Variants in COL5A1 observed in about 807,000 individuals in gnomAD.
COL5A1 encodes collagen alpha-1(V) chain.
In COL5A1, 16 loss-of-function variants were observed where a neutral mutation model predicts 263.7. The observed-to-expected ratio is 0.06, with a 90% CI of 0.04 to 0.09. The LOEUF is 0.09. Among genes scored for constraint, COL5A1 ranks in the 10% least tolerant of loss-of-function variants. The probability of loss-of-function intolerance (pLI) is 1.00; values close to 1 mark genes in which losing one functional copy is unlikely to be tolerated. For missense variants in COL5A1, 2,036 were observed against 2,540.5 expected (o/e 0.80, Z 4.27); for synonymous variants, 1,012 against 1,004.5 (o/e 1.01, Z -0.14).
In COL5A1 at chr9:134,652,972, G is replaced by A; in HGVS notation, c.109+10676G>A. 1 of 284,644 alleles carries A rather than the reference G, an allele frequency of 3.5e-6. No individual in the cohort carries two copies. Among genetic ancestry groups the A allele is most frequent in the Non-Finnish European group, 7.1e-6 (1 of 140,656 alleles). 17.6% of individuals were successfully genotyped at this position (284,644 alleles called of 1,614,324 possible). A position where few individuals can be genotyped will look rare whatever the true frequency, so the allele number is the denominator to read the frequency against. On this transcript the variant is annotated intron_variant, in intron 1 of 65. Transcript: ENST00000371817. The surrounding 1 kb of genome is among the most constrained non-coding windows in gnomAD (Gnocchi z 4.4). Reference sequence around the variant, plus strand: ...GGGTGCCACACTTTGCAAACCACGAGTCGTTCTGCGTCCTCGAGCCCAGGG... The same window carrying A: ...GGGTGCCACACTTTGCAAACCACGAATCGTTCTGCGTCCTCGAGCCCAGGG...
chr9:134,711,149 C>T (rs531458683), intron 4 of COL5A1, among the ~76,000 whole-genome samples: 2 of 152,206 alleles, frequency 1.3e-5, no homozygotes, highest in African/African-American at 2.4e-5. Context: ...ATTGTTCGGT[C>T]GGTGGTTTGG....
Position 134,841,836 on chromosome 9 carries a change from C to T in COL5A1, c.5371-321C>T, listed in dbSNP as rs971516784. ...CATCACAAGGAGTCTGGACTGGGCA[C>T]GGTGGGAAGGCTGATCAGCTTCAAT... On this transcript the variant is annotated intron_variant, in intron 65 of 65. Coordinates refer to ENST00000371817, the MANE Select transcript of COL5A1 (RefSeq NM_000093.5). This position sits in a 1 kb window ranked among gnomAD's most constrained non-coding sequence, Gnocchi z 4.8. 2.6e-5 allele frequency among the ~76,000 whole-genome samples: 4 copies of T among 152,100 alleles called. No individual in the cohort carries two copies. Among genetic ancestry groups the T allele is most frequent in the Admixed American group, 6.5e-5 (1 of 15,270 alleles).
chr9:134,699,525 G>T (rs1833596910), intron 2 of COL5A1, among the ~76,000 whole-genome samples: 1 of 149,602 alleles, frequency 6.7e-6, no homozygotes, highest in African/African-American at 2.5e-5. Flanking sequence ...ACCTCATGGA[G>T]CGTACTAAGA....
intron 4 of COL5A1, among the ~76,000 whole-genome samples, chr9:134,703,919 G>A (rs1039502173): frequency 1.3e-5 from 2 of 152,204 alleles, no homozygotes; most frequent in South Asian, 2.1e-4. Context: ...GATTGCAGGC[G>A]TGAGCCACCG....
rs748589808 is a variant in COL5A1, at chr9:134,691,088, C to A, written c.277+9C>A. ...CAAGCAGCTGTACCCTGGTAAGTGC[C>A]GCACCCTTCTGTTTGGGGCGGTGGG... On this transcript the variant is annotated intron_variant, in intron 2 of 65. Transcript: ENST00000371817. 1 of 1,612,594 alleles carries A rather than the reference C, an allele frequency of 6.2e-7. No homozygotes were observed. The highest frequency in any genetic ancestry group is 8.5e-7 in the Non-Finnish European group (1 of 1,180,022).
intron 4 of COL5A1, among the ~76,000 whole-genome samples, chr9:134,726,388 G>T (rs1396817807): frequency 2.0e-5 from 3 of 152,054 alleles, no homozygotes; most frequent in Admixed American, 6.5e-5. Context: ...ATAGATGGAT[G>T]AATTAATGAG....
chr9:134,744,732 C>A (rs1379882981), intron 11 of COL5A1, among the ~76,000 whole-genome samples: 7 of 152,068 alleles, frequency 4.6e-5, no homozygotes, highest in Non-Finnish European at 7.4e-5. Flanking sequence ...CACACACATG[C>A]ACTCACACAC....
At chr9:134,732,209 G>T in intron 9 of COL5A1, 82 bp downstream of exon 9, 1 of 1,475,198 alleles carries the variant, frequency 6.8e-7, no homozygotes, top group Non-Finnish European at 9.5e-7. Flanking sequence ...GTGTGAACAG[G>T]TCCGTGGGCC....
intron 52 of COL5A1, 126 bp from the exon 53 acceptor site, chr9:134,816,900 A>T (rs1271664244): frequency 2.3e-6 from 2 of 875,544 alleles, no homozygotes; most frequent in African/African-American, 3.3e-5. Flanking sequence ...TGCTAGCCCC[A>T]AAAGAAGAGA....
At chr9:134,774,760 C>T (rs1836991882) in intron 26 of COL5A1, 99 bp from the exon 27 acceptor site, 2 of 1,266,478 alleles carry the variant, frequency 1.6e-6, no homozygotes, top group South Asian at 2.5e-5. Flanking sequence ...TCGCCCTGCT[C>T]TCAGCAGGAG....
At chr9:134,761,303 G>A (rs1161156320) in intron 18 of COL5A1, among the ~76,000 whole-genome samples, 2 of 151,024 alleles carry the variant, frequency 1.3e-5, no homozygotes, top group Non-Finnish European at 1.5e-5. Context: ...ACACACAGGC[G>A]CACCCACACA....
rs376608884 is a variant in COL5A1 at position 134,817,290 on chromosome 9, C to T, written c.4176+211C>T. 3.9e-5 allele frequency among the ~76,000 whole-genome samples: 6 copies of T among 152,330 alleles called. No homozygotes were observed. In the East Asian group the frequency reaches 5.8e-4, roughly 15 times the overall value. On this transcript the variant is annotated intron_variant, in intron 53 of 65. Coordinates refer to ENST00000371817, the MANE Select transcript of COL5A1 (RefSeq NM_000093.5). ...CGCAGCTGCTCCTTTTAGGACAGGC[C>T]GCCTGCTGACACGGTCAGTGATATC...
At chr9:134,646,779 G>T (rs2132463990) in intron 1 of COL5A1, among the ~76,000 whole-genome samples, 1 of 152,234 alleles carries the variant, frequency 6.6e-6, no homozygotes, top group Admixed American at 6.5e-5. Flanking sequence ...GGTGACAGGT[G>T]GTCGGATGTG....
At chr9:134,770,797 A>G (rs1457748985) in intron 25 of COL5A1, among the ~76,000 whole-genome samples, 1 of 152,264 alleles carries the variant, frequency 6.6e-6, no homozygotes, top group Non-Finnish European at 1.5e-5. Flanking sequence ...ACACAAGTAG[A>G]AAGAAAGGGG....
rs919170019 is a variant in COL5A1 at position 134,757,167 on chromosome 9, G to A, written c.1881+349G>A. On this transcript the variant is annotated intron_variant, in intron 17 of 65. Transcript: ENST00000371817. The surrounding 1 kb of genome is among the most constrained non-coding windows in gnomAD (Gnocchi z 6.2). ...TGCGGGGGCCAGGGGGTCTTGTCCA[G>A]TCGGGACTCCTGGGTGTTGTGGAGG... Among the ~76,000 whole-genome samples the A allele has an allele frequency of 6.6e-6, 1 of 152,148 alleles. No homozygotes were observed. Among genetic ancestry groups the A allele is most frequent in the African/African-American group, 2.4e-5 (1 of 41,420 alleles).
chr9:134,779,651 C>T (rs373391557), intron 27 of COL5A1, among the ~76,000 whole-genome samples: 54 of 152,262 alleles, frequency 3.5e-4, no homozygotes, highest in African/African-American at 1.2e-3. Context: ...AACTGAGGCA[C>T]GCAGGAGTCT....
rs1318492733 is a variant in COL5A1 at position 134,805,034 on chromosome 9, C to T, written c.3174C>T (p.Phe1058=). The T allele has an allele frequency of 1.2e-6, 2 of 1,613,970 alleles. No homozygotes were observed. Among genetic ancestry groups the T allele is most frequent in the African/African-American group, 1.3e-5 (1 of 75,056 alleles). The part of the protein sequence containing the change: ...GKDGPPGLRG[F]PGDRGLPGPV... The stretch of plus-strand genomic sequence containing the variant: ...ATGGCCCTCCAGGATTACGTGGTTT[C>T]CCTGGGGACCGAGGGCTTCCTGGTC... Residue 1058 remains phenylalanine, a synonymous_variant, in exon 40 of 66, where the codon TTC becomes TTT. Coordinates refer to ENST00000371817, the MANE Select transcript of COL5A1 (RefSeq NM_000093.5).
chr9:134,752,653 A>G lies in COL5A1; in HGVS notation c.1719+8A>G, dbSNP rs747192480. On this transcript the variant is annotated splice_region_variant and intron_variant, in intron 14 of 65. Transcript: ENST00000371817. ...GGGAGACCTGGCCCTGTGGTAAGTC[A>G]TTGGCAAATCTGAGAGCTGGGCGTG... 6.2e-7 allele frequency: 1 copy of G among 1,610,226 alleles called. No homozygotes were observed. Among genetic ancestry groups the G allele is most frequent in the Non-Finnish European group, 8.5e-7 (1 of 1,176,682 alleles).
intron 48 of COL5A1, among the ~76,000 whole-genome samples, chr9:134,813,730 T>A (rs1838629122): frequency 2.0e-5 from 3 of 152,198 alleles, no homozygotes; most frequent in African/African-American, 7.2e-5. Flanking sequence ...GGAGCAGCGC[T>A]CCGGGAAAGC....
Sources: gnomAD v4.1 joint callset for allele counts (sites outside exome capture counted in the v4.1 genomes callset) on GRCh38, gnomAD v4.1.1 for gene constraint, Gnocchi (gnomAD v3.1) non-coding constraint, MANE v1.5 for transcripts, NCBI Gene and HGNC (gene_info 2026-07-23, HGNC 2026-07-21) for gene names.